Variants in TBC1D19 observed in about 807,000 individuals in gnomAD.
TBC1D19 encodes the protein TBC1 domain family, member 19.
In TBC1D19, 60 loss-of-function variants were observed where a neutral mutation model predicts 89.0. That is an observed-to-expected ratio of 0.67 (90% confidence interval 0.55 to 0.84). The LOEUF (loss-of-function observed/expected upper bound fraction) is 0.84. Among genes scored for constraint, TBC1D19 ranks in the 40% least tolerant of loss-of-function variants. The pLI is 0.00. For missense variants in TBC1D19, 500 were observed against 610.8 expected (o/e 0.82, Z 1.91); for synonymous variants, 189 against 199.7 (o/e 0.95, Z 0.45).
At chr4:26,776,321 A>T in the TBC1D19 span, among the ~76,000 whole-genome samples, 1 of 152,212 alleles carries the variant, frequency 6.6e-6, no homozygotes, top group African/African-American at 2.4e-5. Flanking sequence ...GTTTTCAAGA[A>T]TACAAGAGGT....
chr4:26,795,412 A>T, the TBC1D19 span, among the ~76,000 whole-genome samples: 1 of 152,158 alleles, frequency 6.6e-6, no homozygotes, highest in Non-Finnish European at 1.5e-5. Context: ...ATGCACCATG[A>T]TTTAACTTAT....
At chr4:26,583,920 A>G, upstream of TBC1D19, 1 of 447,566 alleles carries the variant, frequency 2.2e-6, no homozygotes, top group Admixed American at 3.7e-5. Flanking sequence ...CTTGCCTTTC[A>G]ACCATAGACA....
the TBC1D19 span, among the ~76,000 whole-genome samples, chr4:26,850,769 C>T: frequency 6.6e-6 from 1 of 151,922 alleles, no homozygotes; most frequent in African/African-American, 2.4e-5. Flanking sequence ...TTGGTTAAGC[C>T]GCCCAGTCTG....
intron 4 of TBC1D19, among the ~76,000 whole-genome samples, chr4:26,631,328 A>T (rs1185281737): frequency 6.6e-6 from 1 of 151,982 alleles, no homozygotes; most frequent in Non-Finnish European, 1.5e-5. Context: ...ACTTTTTGCA[A>T]ACTATCTCTG....
rs542015450 is a variant in TBC1D19, at chr4:26,755,705, A to G, written c.*758A>G. ...TGTTGCCAGCTTCTGTTACTTTGTA[A>G]CTATACAAGGAAGACACCCAAGAGA... On this transcript the variant is annotated 3_prime_UTR_variant, in exon 21 of 21. Transcript: ENST00000264866. 1.8e-3 allele frequency among the ~76,000 whole-genome samples: 280 copies of G among 152,282 alleles called. No individual in the cohort carries two copies. The highest frequency in any genetic ancestry group is 6.4e-3 in the African/African-American group (266 of 41,560).
intron 15 of TBC1D19, among the ~76,000 whole-genome samples, chr4:26,722,079 G>T (rs1463936335): frequency 3.3e-5 from 5 of 151,980 alleles, no homozygotes; most frequent in Non-Finnish European, 5.9e-5. Context: ...CCTCTTAATT[G>T]CAAGCTTCTT....
the TBC1D19 span, among the ~76,000 whole-genome samples, chr4:26,797,488 A>G: frequency 6.6e-6 from 1 of 152,240 alleles, no homozygotes; most frequent in Non-Finnish European, 1.5e-5. Context: ...CTACAGATTC[A>G]ATGCGATCCC....
chr4:26,644,819 A>G (rs1238398492), intron 7 of TBC1D19, among the ~76,000 whole-genome samples: 1 of 152,250 alleles, frequency 6.6e-6, no homozygotes, highest in Admixed American at 6.5e-5. Flanking sequence ...ACTCCCATTT[A>G]CAATTGCTAC....
At chr4:26,832,493 C>T in the TBC1D19 span, among the ~76,000 whole-genome samples, 1 of 152,186 alleles carries the variant, frequency 6.6e-6, no homozygotes, top group Non-Finnish European at 1.5e-5. Context: ...AACACCGGTC[C>T]TCTTATTACT....
At chr4:26,716,824 TA>T (rs1313328065) in intron 13 of TBC1D19, among the ~76,000 whole-genome samples, 2 of 151,956 alleles carry the variant, frequency 1.3e-5, no homozygotes, top group African/African-American at 2.4e-5. Flanking sequence ...CTTTTTTTTT[TA>T]AACAGAGATG....
At chr4:26,625,402 G>A (rs943200161) in intron 4 of TBC1D19, among the ~76,000 whole-genome samples, 32 of 152,148 alleles carry the variant, frequency 2.1e-4, no homozygotes, top group Admixed American at 2.0e-3. Context: ...TGCGAAGTTA[G>A]CACAGAGAGT....
the TBC1D19 span, among the ~76,000 whole-genome samples, chr4:26,793,784 TATTCTCAGACTTC>T: frequency 6.6e-6 from 1 of 152,058 alleles, no homozygotes; most frequent in South Asian, 2.1e-4. Flanking sequence ...ATGTTGACTT[TATTCTCAGACTTC>T]ATTCTCAGAC....
chr4:26,646,771 G>A (rs1300857469), intron 7 of TBC1D19, among the ~76,000 whole-genome samples: 1 of 152,088 alleles, frequency 6.6e-6, no homozygotes, highest in East Asian at 1.9e-4. Context: ...ACACAGGGTG[G>A]GAAACATCAC....
chr4:26,663,744 G>C (rs756047464), intron 8 of TBC1D19, among the ~76,000 whole-genome samples: 1 of 152,094 alleles, frequency 6.6e-6, no homozygotes, highest in Non-Finnish European at 1.5e-5. Context: ...ATGCAGCCTG[G>C]CAATATAATG....
At chr4:26,781,491 G>T in the TBC1D19 span, among the ~76,000 whole-genome samples, 1 of 152,146 alleles carries the variant, frequency 6.6e-6, no homozygotes, top group Non-Finnish European at 1.5e-5. Context: ...TATCTAAAAG[G>T]AAATTTACAG....
intron 11 of TBC1D19, among the ~76,000 whole-genome samples, chr4:26,683,169 G>T (rs931540160): frequency 6.6e-6 from 1 of 152,128 alleles, no homozygotes; most frequent in Non-Finnish European, 1.5e-5. Flanking sequence ...TATTAGAAAG[G>T]CAGTATAAAG....
intron 13 of TBC1D19, among the ~76,000 whole-genome samples, chr4:26,703,231 C>T (rs1488019407): frequency 2.0e-5 from 3 of 152,122 alleles, no homozygotes; most frequent in African/African-American, 7.2e-5. Context: ...TAAGAAAACA[C>T]TTTCATGGTG....
the TBC1D19 span, among the ~76,000 whole-genome samples, chr4:26,808,990 C>T: frequency 6.6e-6 from 1 of 152,164 alleles, no homozygotes; most frequent in African/African-American, 2.4e-5. Context: ...ATATTAGCAC[C>T]TGCTCTGCCC....
intron 7 of TBC1D19, among the ~76,000 whole-genome samples, chr4:26,643,412 G>T (rs558078932): frequency 1.2e-4 from 18 of 152,282 alleles, no homozygotes; most frequent in African/African-American, 4.1e-4. Context: ...GAATCTCTGG[G>T]ACACATTTAA....
Sources: allele counts gnomAD v4.1 joint callset (sites outside exome capture counted in the v4.1 genomes callset), GRCh38; gene constraint gnomAD v4.1.1; transcripts MANE v1.5; gene names NCBI Gene and HGNC (gene_info 2026-07-23, HGNC 2026-07-21).